LRP1B: variants seen among roughly 807,000 people sequenced by gnomAD.
LRP1B encodes LDL receptor related protein 1B, also known as low-density lipoprotein receptor-related protein 1B.
In LRP1B, 217 loss-of-function variants were observed where a neutral mutation model predicts 556.6. The ratio of observed to expected loss-of-function variants is 0.39; its 90% CI spans 0.35 to 0.44. The LOEUF is 0.44. Among genes scored for constraint, LRP1B ranks in the 20% least tolerant of loss-of-function variants. LRP1B has a pLI of 1.00. For missense variants in LRP1B, 5,053 were observed against 5,620.8 expected (o/e 0.90, Z 3.23); for synonymous variants, 2,047 against 1,865.8 (o/e 1.10, Z -2.50).
At chr2:142,052,708 C>T (rs1052633647) in intron 1 of LRP1B, among the ~76,000 whole-genome samples, 2 of 152,052 alleles carry the variant, frequency 1.3e-5, no homozygotes, top group East Asian at 1.9e-4. Context: ...CTCTCTCTAA[C>T]GGTCTCCCCT....
At chr2:141,541,690 A>G (rs1685266596) in intron 2 of LRP1B, among the ~76,000 whole-genome samples, 1 of 152,090 alleles carries the variant, frequency 6.6e-6, no homozygotes, top group Non-Finnish European at 1.5e-5. Flanking sequence ...TCTATAAACT[A>G]GAGTTAACTT....
At chr2:141,154,749 T>A (rs533765986) in intron 7 of LRP1B, among the ~76,000 whole-genome samples, 1 of 152,062 alleles carries the variant, frequency 6.6e-6, no homozygotes, top group East Asian at 1.9e-4. Flanking sequence ...CTAATTCTTA[T>A]CTGTTACTAC....
intron 3 of LRP1B, among the ~76,000 whole-genome samples, chr2:141,380,163 C>T (rs1008311526): frequency 6.6e-6 from 1 of 151,150 alleles, no homozygotes; most frequent in South Asian, 2.1e-4. Context: ...GAGAACAAAG[C>T]GGCAGTTTTG....
intron 3 of LRP1B, among the ~76,000 whole-genome samples, chr2:141,301,582 C>A (rs1487405964): frequency 1.3e-5 from 2 of 152,112 alleles, no homozygotes; most frequent in African/African-American, 4.8e-5. Flanking sequence ...CTTTCTTATT[C>A]TCATTTTCCA....
chr2:140,917,793 C>CAT (rs1193194643), intron 21 of LRP1B, among the ~76,000 whole-genome samples: 1 of 151,690 alleles, frequency 6.6e-6, no homozygotes, highest in African/African-American at 2.4e-5. Context: ...TGTCAAGACC[C>CAT]ATAGAATATA....
chr2:142,016,110 G>A (rs953415475), intron 1 of LRP1B, among the ~76,000 whole-genome samples: 37 of 151,244 alleles, frequency 2.4e-4, no homozygotes, highest in African/African-American at 7.5e-4. Flanking sequence ...TTAGAGAAAT[G>A]CAAATGAAAA....
chr2:140,416,270 G>A (rs1685197443), intron 66 of LRP1B, among the ~76,000 whole-genome samples: 1 of 152,152 alleles, frequency 6.6e-6, no homozygotes, highest in Non-Finnish European at 1.5e-5. Flanking sequence ...GATTTGAGGT[G>A]GAGATGAGGA....
chr2:142,016,958 T>C (rs967615542), intron 1 of LRP1B, among the ~76,000 whole-genome samples: 1 of 120,138 alleles, frequency 8.3e-6, no homozygotes, highest in African/African-American at 2.9e-5. Flanking sequence ...ATATACATAA[T>C]TGTATGTGTG....
At chr2:141,260,969 A>C (rs2105351039) in intron 3 of LRP1B, among the ~76,000 whole-genome samples, 1 of 152,202 alleles carries the variant, frequency 6.6e-6, no homozygotes, top group East Asian at 1.9e-4. Flanking sequence ...ATGAGGAAAA[A>C]ATTATTCTTT....
intron 1 of LRP1B, among the ~76,000 whole-genome samples, chr2:141,998,775 T>C (rs531674283): frequency 5.9e-5 from 9 of 152,282 alleles, no homozygotes; most frequent in African/African-American, 1.9e-4. Flanking sequence ...CATAGGCAGA[T>C]TCAAAGACTG....
intron 3 of LRP1B, among the ~76,000 whole-genome samples, chr2:141,380,412 T>C (rs1279019062): frequency 2.0e-5 from 3 of 152,152 alleles, no homozygotes; most frequent in Non-Finnish European, 4.4e-5. Flanking sequence ...TTGCCACTGC[T>C]CACTCTAGTG....
At chr2:140,945,099 C>T (rs776917425) in intron 20 of LRP1B, among the ~76,000 whole-genome samples, 13 of 152,058 alleles carry the variant, frequency 8.5e-5, no homozygotes, top group Non-Finnish European at 1.0e-4. Context: ...CATTTTTATA[C>T]ACTAATAGCA....
chr2:140,447,659 TTA>T (rs760924092), intron 63 of LRP1B, among the ~76,000 whole-genome samples: 1 of 152,142 alleles, frequency 6.6e-6, no homozygotes, highest in Non-Finnish European at 1.5e-5. Context: ...TTTTATTTTC[TTA>T]TAATAACTTT....
At chr2:140,386,443 T>C (rs1310360247) in intron 66 of LRP1B, among the ~76,000 whole-genome samples, 1 of 152,212 alleles carries the variant, frequency 6.6e-6, no homozygotes, top group East Asian at 1.9e-4. Context: ...TCATCTTGTC[T>C]TTCTCCCTAA....
intron 49 of LRP1B, among the ~76,000 whole-genome samples, chr2:140,521,992 T>C (rs908256533): frequency 6.6e-6 from 1 of 152,010 alleles, no homozygotes; most frequent in African/African-American, 2.4e-5. Flanking sequence ...ACAATAACAG[T>C]AGCAGAATTC....
At chr2:140,971,631 G>A (rs1696428235) in intron 18 of LRP1B, among the ~76,000 whole-genome samples, 3 of 152,110 alleles carry the variant, frequency 2.0e-5, no homozygotes, top group South Asian at 2.1e-4. Flanking sequence ...TCAGGAGATC[G>A]AGACCATCCT....
intron 3 of LRP1B, among the ~76,000 whole-genome samples, chr2:141,342,175 T>C (rs1033310): frequency 0.6 from 88,008 of 147,068 alleles, 27,100 homozygotes; most frequent in African/African-American, 0.69. Flanking sequence ...ACTTGGGAGG[T>C]GGAGGTTGCA....
intron 2 of LRP1B, among the ~76,000 whole-genome samples, chr2:141,746,775 C>T (rs1264276414): frequency 2.0e-5 from 3 of 152,110 alleles, no homozygotes; most frequent in South Asian, 2.1e-4. Context: ...ATAAACTAAA[C>T]TTAAAAGCCC....
chr2:140,768,345 G>C (rs1199058061), intron 35 of LRP1B, among the ~76,000 whole-genome samples: 1 of 151,690 alleles, frequency 6.6e-6, no homozygotes, highest in Non-Finnish European at 1.5e-5. Flanking sequence ...AAATCAAATA[G>C]CTATTTGTTT....
Sources: gnomAD v4.1 joint callset for allele counts (sites outside exome capture counted in the v4.1 genomes callset) on GRCh38, gnomAD v4.1.1 for gene constraint, MANE v1.5 for transcripts, NCBI Gene and HGNC (gene_info 2026-07-23, HGNC 2026-07-21) for gene names.